TMEM67: variants seen among roughly 807,000 people sequenced by gnomAD.
The protein encoded by TMEM67 is transmembrane protein 67, also known as meckelin.
TMEM67 carries 124 observed loss-of-function variants against 136.6 expected under a neutral mutation model. The ratio of observed to expected loss-of-function variants is 0.91; its 90% CI spans 0.78 to 1.05. The LOEUF is 1.05. TMEM67 is among the 50% of genes least tolerant of loss of function. The probability of loss-of-function intolerance (pLI) is 0.00; values close to 1 mark genes in which losing one functional copy is unlikely to be tolerated. For missense variants in TMEM67, 1,107 were observed against 1,178.4 expected (o/e 0.94, Z 0.89); for synonymous variants, 364 against 390.5 (o/e 0.93, Z 0.80).
At chr8:93,813,065 T>G (rs560259714) in intron 26 of TMEM67, among the ~76,000 whole-genome samples, 1 of 152,202 alleles carries the variant, frequency 6.6e-6, no homozygotes, top group African/African-American at 2.4e-5. Context: ...AATCATCACC[T>G]TCTTTCTTCC....
chr8:93,764,954 T>C (rs921553679), intron 4 of TMEM67, among the ~76,000 whole-genome samples: 1 of 152,230 alleles, frequency 6.6e-6, no homozygotes, highest in Admixed American at 6.5e-5. Flanking sequence ...GTAAATAGAA[T>C]TTATTTAAAA....
In TMEM67 at chr8:93,793,223, T is replaced by TA; in HGVS notation, c.1602dup (p.Ala535SerfsTer22). On this transcript the variant is annotated frameshift_variant, in exon 16 of 28. Transcript: ENST00000453321. LOFTEE classifies it high-confidence loss of function. Reference sequence around the variant, plus strand: ...ATTGCTTTGGGTGTATTGGGTGGGCTAGCTGTTTTAGCATCTCTTTTGAAG... The same window carrying TA: ...ATTGCTTTGGGTGTATTGGGTGGGCTAAGCTGTTTTAGCATCTCTTTTGAAG... The TA allele has an allele frequency of 6.2e-7, 1 of 1,614,174 alleles. No individual in the cohort carries two copies. The highest frequency in any genetic ancestry group is 8.5e-7 in the Non-Finnish European group (1 of 1,180,002).
In TMEM67 at chr8:93,793,184, C is replaced by T; in HGVS notation, c.1576-14C>T. Reference sequence around the variant, plus strand: ...GAAATTACATAAATTCTCAATTGTTCTTTTGTTTTTTAGATTGCTTTGGGT... The same window carrying T: ...GAAATTACATAAATTCTCAATTGTTTTTTTGTTTTTTAGATTGCTTTGGGT... On this transcript the variant is annotated splice_polypyrimidine_tract_variant and intron_variant, in intron 15 of 27. Coordinates refer to ENST00000453321, the MANE Select transcript of TMEM67 (RefSeq NM_153704.6). The T allele has an allele frequency of 1.2e-6, 2 of 1,608,358 alleles. No homozygotes were observed. The highest frequency in any genetic ancestry group is 1.7e-6 in the Non-Finnish European group (2 of 1,174,902).
intron 7 of TMEM67, among the ~76,000 whole-genome samples, chr8:93,776,677 C>T (rs1335107783): frequency 6.6e-6 from 1 of 152,176 alleles, no homozygotes; most frequent in Non-Finnish European, 1.5e-5. Context: ...TGTGTTGAAC[C>T]AGCCTAGCAT....
chr8:93,782,196 G>A (rs1263648285), intron 10 of TMEM67, among the ~76,000 whole-genome samples, 199 bp from the exon 11 acceptor site: 3 of 152,180 alleles, frequency 2.0e-5, no homozygotes, highest in Non-Finnish European at 4.4e-5. Context: ...TTGCAGGCAT[G>A]AGCCACCATG....
chr8:93,823,435 G>T (rs895327191), downstream of TMEM67, among the ~76,000 whole-genome samples: 7 of 151,978 alleles, frequency 4.6e-5, no homozygotes, highest in African/African-American at 1.7e-4. Flanking sequence ...GGGTAGGGGT[G>T]TGTGGGGGCG....
Position 93,786,207 on chromosome 8 carries a change from C to CT in TMEM67, c.1289-11dup. On this transcript the variant is annotated splice_polypyrimidine_tract_variant and intron_variant, in intron 12 of 27. Transcript: ENST00000453321. ...TTAAATTTGTGCAGTAAACTTTTTT[C>CT]TTTTTATAATAAAAGACAGCAACTC... The CT allele has an allele frequency of 6.2e-7, 1 of 1,611,522 alleles. No individual in the cohort carries two copies. The highest frequency in any genetic ancestry group is 8.5e-7 in the Non-Finnish European group (1 of 1,179,288).
chr8:93,809,975 T>C (rs920309827), intron 26 of TMEM67, 88 bp downstream of exon 26: 11 of 753,862 alleles, frequency 1.5e-5, no homozygotes, highest in African/African-American at 9.0e-5. Flanking sequence ...TTTTTTCTTT[T>C]TTTTTTTTTT....
rs1554556119 is a variant in TMEM67, at chr8:93,795,571, A to G, written c.1773+64A>G. 9.5e-6 allele frequency: 13 copies of G among 1,366,422 alleles called. No homozygotes were observed. In the South Asian group the frequency reaches 1.4e-4, roughly 15 times the overall value. The allele number at this position is 1,366,422 out of a possible 1,614,324, so 84.6% of individuals were successfully genotyped here. A position where few individuals can be genotyped will look rare whatever the true frequency, so the allele number is the denominator to read the frequency against. On this transcript the variant is annotated intron_variant, in intron 17 of 27. Coordinates refer to ENST00000453321, the MANE Select transcript of TMEM67 (RefSeq NM_153704.6). Reference sequence around the variant, plus strand: ...TGAATAGTTGAAAAGCTTTCTTTATAAAGGAACTATTTTTATTTGAGAGAA... The same window carrying G: ...TGAATAGTTGAAAAGCTTTCTTTATGAAGGAACTATTTTTATTTGAGAGAA...
At chr8:93,801,400 A>ATT (rs56967457) in intron 21 of TMEM67, among the ~76,000 whole-genome samples, 13 of 139,684 alleles carry the variant, frequency 9.3e-5, no homozygotes, top group South Asian at 2.3e-4. Flanking sequence ...ACACCCAGCA[A>ATT]TTTTTTTTTT....
intron 23 of TMEM67, among the ~76,000 whole-genome samples, chr8:93,808,311 A>G (rs1167932684): frequency 1.4e-5 from 2 of 142,402 alleles, no homozygotes; most frequent in Admixed American, 7.3e-5. Context: ...TATCATATAT[A>G]TTATAGACAA....
intron 3 of TMEM67, chr8:93,761,836 G>A (rs1354489221): frequency 6.6e-6 from 1 of 152,140 alleles, no homozygotes; most frequent in Non-Finnish European, 1.5e-5. Flanking sequence ...CATTATATAT[G>A]CATATGTGCT....
intron 6 of TMEM67, among the ~76,000 whole-genome samples, chr8:93,770,519 G>A (rs1813283196): frequency 6.6e-6 from 1 of 152,130 alleles, no homozygotes; most frequent in South Asian, 2.1e-4. Flanking sequence ...AGTCTTTCTA[G>A]TGTCCTTTAA....
At chr8:93,782,760 A>G (rs1813905836) in intron 11 of TMEM67, among the ~76,000 whole-genome samples, 1 of 151,576 alleles carries the variant, frequency 6.6e-6, no homozygotes, top group African/African-American at 2.4e-5. Context: ...TTTTTAGTAA[A>G]GACAGGGTTT....
At chr8:93,767,377 T>C (rs928300487) in intron 6 of TMEM67, among the ~76,000 whole-genome samples, 1 of 152,230 alleles carries the variant, frequency 6.6e-6, no homozygotes, top group Non-Finnish European at 1.5e-5. Flanking sequence ...TGTAATTGAT[T>C]AGTATTTTGT....
At chr8:93,793,878 C>T (rs1814493314) in intron 16 of TMEM67, among the ~76,000 whole-genome samples, 1 of 151,662 alleles carries the variant, frequency 6.6e-6, no homozygotes, top group South Asian at 2.1e-4. Context: ...TTTTTGTTTT[C>T]ATTTTTGTTT....
In TMEM67 at chr8:93,815,293, T is replaced by C. The variant is rs1232793342; in HGVS notation, c.2765-12T>C. The C allele has an allele frequency of 2.0e-6, 3 of 1,494,636 alleles. No homozygotes were observed. The highest frequency in any genetic ancestry group is 4.3e-5 in the Admixed American group (2 of 46,454). The allele number at this position is 1,494,636 out of a possible 1,614,324, so 92.6% of individuals were successfully genotyped here. A position where few individuals can be genotyped will look rare whatever the true frequency, so the allele number is the denominator to read the frequency against. On this transcript the variant is annotated splice_polypyrimidine_tract_variant and intron_variant, in intron 26 of 27. Transcript: ENST00000453321. ...AAATTTCTAATTTATATTTTCTAAA[T>C]TTTTTTAATAGATGAAGGTTATTCT...
chr8:93,799,901 G>GTTA, intron 21 of TMEM67, 143 bp downstream of exon 21: 1 of 430,202 alleles, frequency 2.3e-6, no homozygotes, highest in Non-Finnish European at 4.0e-6. Context: ...CTAATGGTCA[G>GTTA]TTCTTTTTTT....
At chr8:93,770,930 G>T (rs532451903) in intron 6 of TMEM67, among the ~76,000 whole-genome samples, 20 of 151,734 alleles carry the variant, frequency 1.3e-4, no homozygotes, top group African/African-American at 4.1e-4. Flanking sequence ...CAGGAGAATC[G>T]CTTGAACCCA....
Sources: gnomAD v4.1 joint callset for allele counts (sites outside exome capture counted in the v4.1 genomes callset) on GRCh38, gnomAD v4.1.1 for gene constraint, MANE v1.5 for transcripts, NCBI Gene and HGNC (gene_info 2026-07-23, HGNC 2026-07-21) for gene names.